Variants in AKAP6 observed in about 807,000 individuals in gnomAD.
The protein encoded by AKAP6 is A-kinase anchor protein 6.
In AKAP6, 58 loss-of-function variants were observed where a neutral mutation model predicts 188.5. The ratio of observed to expected loss-of-function variants is 0.31; its 90% confidence interval spans 0.25 to 0.38. The LOEUF (loss-of-function observed/expected upper bound fraction) is 0.38. Among genes scored for constraint, AKAP6 ranks in the 10% least tolerant of loss-of-function variants. The pLI, the probability that AKAP6 is intolerant of heterozygous loss-of-function variation, is 1.00. For synonymous variants in AKAP6, 989 were observed against 998.6 expected, an observed-to-expected ratio of 0.99 and a Z score of 0.18; for missense variants, 2,710 against 2,740.0, an observed-to-expected ratio of 0.99 and a Z score of 0.24.
chr14:32,767,742 A>T (rs1350865730), intron 11 of AKAP6, among the ~76,000 whole-genome samples: 1 of 152,128 alleles, frequency 6.6e-6, no homozygotes, highest in Non-Finnish European at 1.5e-5. Flanking sequence ...GCCTGGTTTT[A>T]GTCCCATGAA....
Position 32,822,630 on chromosome 14 carries a change from A to G in AKAP6, c.4817A>G (p.Asn1606Ser), listed in dbSNP as rs369137731. The change falls in exon 13 of 14, where the codon AAT becomes AGT. Residue 1606 changes from asparagine to serine, a missense_variant. Around this residue, in one of 2 missense-constraint regions of AKAP6, gnomAD observed 2,473 missense variants for 2,426.1 expected, o/e 1.02. Transcript: ENST00000280979. ...LESWLTSYKS[N>S]EDLFSCHSSG... ...AGTTGGTTGACTTCCTATAAAAGCA[A>G]TGAAGATCTCTTTAGCTGTCACAGC... is the stretch of plus-strand genomic sequence containing the variant. 2.2e-5 allele frequency: 36 copies of G among 1,613,928 alleles called. No homozygotes were observed. The highest frequency in any genetic ancestry group is 2.8e-5 in the Non-Finnish European group (33 of 1,179,976).
chr14:32,505,205 A>G (rs911809385), intron 2 of AKAP6, among the ~76,000 whole-genome samples: 2 of 152,140 alleles, frequency 1.3e-5, no homozygotes, highest in Admixed American at 6.6e-5. Flanking sequence ...CTTAATTTGT[A>G]TAGACCTATA....
chr14:32,581,714 C>T (rs1884974983), intron 5 of AKAP6, among the ~76,000 whole-genome samples: 2 of 152,190 alleles, frequency 1.3e-5, no homozygotes, highest in Admixed American at 6.5e-5. Flanking sequence ...ACAGTTAGCT[C>T]TTCTTGTTGA....
intron 8 of AKAP6, among the ~76,000 whole-genome samples, chr14:32,683,973 T>C (rs1356764939): frequency 2.0e-5 from 3 of 152,116 alleles, no homozygotes; most frequent in African/African-American, 4.8e-5. Context: ...GAGGGGCTAT[T>C]TGAGAATGGA....
At chr14:32,341,508 T>A (rs1217102981) in intron 1 of AKAP6, among the ~76,000 whole-genome samples, 4 of 152,188 alleles carry the variant, frequency 2.6e-5, no homozygotes, top group Non-Finnish European at 5.9e-5. Context: ...AGTCCCTAAA[T>A]GAACTAGTGA....
intron 11 of AKAP6, among the ~76,000 whole-genome samples, chr14:32,744,140 C>G (rs979058816): frequency 1.3e-5 from 2 of 152,088 alleles, no homozygotes; most frequent in Non-Finnish European, 2.9e-5. Context: ...ACTGAAAAGT[C>G]TGCTGCCTGC....
chr14:32,364,071 TAGG>T (rs1469799723), intron 1 of AKAP6, among the ~76,000 whole-genome samples: 1 of 152,006 alleles, frequency 6.6e-6, no homozygotes, highest in African/African-American at 2.4e-5. Flanking sequence ...ATCTGAGTGG[TAGG>T]AGAGAGAACA....
intron 7 of AKAP6, among the ~76,000 whole-genome samples, chr14:32,603,378 G>A (rs2139360082): frequency 6.6e-6 from 1 of 152,234 alleles, no homozygotes; most frequent in South Asian, 2.1e-4. Flanking sequence ...ATTCACCAGG[G>A]CCAGTTTGAA....
intron 4 of AKAP6, among the ~76,000 whole-genome samples, chr14:32,557,299 A>G (rs1332272480): frequency 6.6e-6 from 1 of 152,078 alleles, no homozygotes; most frequent in African/African-American, 2.4e-5. Flanking sequence ...ACATTTCACC[A>G]TGTGCCCAGG....
At chr14:32,417,538 A>G (rs1889697791) in intron 1 of AKAP6, among the ~76,000 whole-genome samples, 1 of 152,088 alleles carries the variant, frequency 6.6e-6, no homozygotes, top group African/African-American at 2.4e-5. Context: ...AAATTTCTGG[A>G]GGGTGGAGGG....
chr14:32,383,050 A>G (rs979405200), intron 1 of AKAP6, among the ~76,000 whole-genome samples: 1 of 151,756 alleles, frequency 6.6e-6, no homozygotes, highest in Non-Finnish European at 1.5e-5. Flanking sequence ...AGAATTAGAG[A>G]TAGAATTTTG....
At chr14:32,604,003 T>C (rs966380605) in intron 7 of AKAP6, among the ~76,000 whole-genome samples, 1 of 152,166 alleles carries the variant, frequency 6.6e-6, no homozygotes, top group African/African-American at 2.4e-5. Context: ...ACTTGAGATA[T>C]GAATTTAAAT....
chr14:32,791,572 C>G lies in AKAP6; in HGVS notation c.3588+17679C>G, dbSNP rs535568417. On this transcript the variant is annotated intron_variant, in intron 12 of 13. Coordinates refer to ENST00000280979, the MANE Select transcript of AKAP6 (RefSeq NM_004274.5). ...AAATTTTCTCCCATTCTGTAGGTTG[C>G]CTGTTCACTCTGGTGATAGTTTCTT... Among the ~76,000 whole-genome samples the G allele has an allele frequency of 2.6e-5, 4 of 152,094 alleles. No individual in the cohort carries two copies. In the East Asian group the frequency reaches 5.8e-4, roughly 22 times the overall value.
At chr14:32,706,074 A>G (rs1890801140) in intron 9 of AKAP6, among the ~76,000 whole-genome samples, 1 of 152,130 alleles carries the variant, frequency 6.6e-6, no homozygotes, top group Non-Finnish European at 1.5e-5. Context: ...GAGCTGTGCT[A>G]ATAACTACCA....
At chr14:32,798,887 A>T (rs183303482) in intron 12 of AKAP6, among the ~76,000 whole-genome samples, 1 of 152,324 alleles carries the variant, frequency 6.6e-6, no homozygotes, top group East Asian at 1.9e-4. Context: ...GTTGGAAAAA[A>T]AAAAATAATA....
intron 1 of AKAP6, among the ~76,000 whole-genome samples, chr14:32,404,966 G>A (rs750960685): frequency 7.3e-5 from 11 of 151,290 alleles, no homozygotes; most frequent in Non-Finnish European, 1.2e-4. Flanking sequence ...GAGAGAGAAT[G>A]TTGAGAACTA....
chr14:32,469,261 CGGA>C (rs1472620972), intron 2 of AKAP6, among the ~76,000 whole-genome samples: 2 of 152,162 alleles, frequency 1.3e-5, no homozygotes, highest in Non-Finnish European at 2.9e-5. Context: ...CAGTCTCCAA[CGGA>C]GGAGATTTTC....
chr14:32,820,710 T>C (rs1048876334), intron 12 of AKAP6, among the ~76,000 whole-genome samples: 3 of 152,134 alleles, frequency 2.0e-5, no homozygotes, highest in Non-Finnish European at 4.4e-5. Context: ...GAAATTGCCC[T>C]GGAGCATTCA....
rs1367969832 is a variant in AKAP6, at chr14:32,625,988, G to A, written c.2730+25196G>A. ...GTGGCAAAATATGTGTCTAACTTGG[G>A]TTCTTACCAGCATGGTTCAAAGGTG... On this transcript the variant is annotated intron_variant, in intron 7 of 13. Transcript: ENST00000280979. 2.0e-5 allele frequency among the ~76,000 whole-genome samples: 3 copies of A among 152,096 alleles called. No individual in the cohort carries two copies. The East Asian group carries it at 5.8e-4, about 29-fold the overall frequency.
Sources: gnomAD v4.1 joint callset for allele counts (sites outside exome capture counted in the v4.1 genomes callset) on GRCh38, gnomAD v4.1.1 for gene constraint, gnomAD v4.1.1 regional missense constraint, MANE v1.5 for transcripts, NCBI Gene and HGNC (gene_info 2026-07-23, HGNC 2026-07-21) for gene names.